MUC13: variants seen among roughly 807,000 people sequenced by gnomAD.
The protein encoded by MUC13 is mucin 13, cell surface associated, also known as mucin-13.
A neutral mutation model predicts 48.3 loss-of-function variants in MUC13; 32 were observed. The observed-to-expected ratio is 0.66, with a 90% CI of 0.50 to 0.89. The LOEUF is 0.89. MUC13 is among the 40% of genes least tolerant of loss of function. MUC13 has a pLI of 0.00. For synonymous variants in MUC13, 199 were observed against 224.9 expected (o/e 0.88, Z 1.03); for missense variants, 571 against 622.8 (o/e 0.92, Z 0.88).
In MUC13 at chr3:124,927,537, C is replaced by T. The variant is rs751469293; in HGVS notation, c.509G>A (p.Ser170Asn). 3 of 1,613,786 alleles carry T rather than the reference C, an allele frequency of 1.9e-6. No homozygotes were observed. In the East Asian group the frequency reaches 6.7e-5, roughly 36 times the overall value. The change falls in exon 2 of 12, where the codon AGC (serine) becomes AAC (asparagine). Residue 170 changes from serine (S) to asparagine (N), a missense_variant. Transcript: ENST00000616727. ...TTTGAGGGAATTGTCCTTACCTGTG[C>T]TGTTTAGGGTGCTGGTCTCCAATAA... is the stretch of plus-strand genomic sequence containing the variant. Reference protein sequence around the residue: ...TALLETSTLNSTGPSNPCQDD... With the variant: ...TALLETSTLNNTGPSNPCQDD...
rs1328762930 is a variant in MUC13 at position 124,906,121 on chromosome 3, A to G, written c.*622T>C. On this transcript the variant is annotated 3_prime_UTR_variant, in exon 12 of 12. Transcript: ENST00000616727. ...GATTCCCAGGCACGCCTCCTGAAAA[A>G]GCTGAGAGATATGTCTCTTTCCAGT... is the stretch of plus-strand genomic sequence containing the variant. 3 of 152,622 alleles carry G rather than the reference A, an allele frequency of 2.0e-5. No individual in the cohort carries two copies. Among genetic ancestry groups the G allele is most frequent in the Non-Finnish European group, 4.4e-5 (3 of 68,040 alleles). 9.5% of individuals were successfully genotyped at this position (152,622 alleles called of 1,614,324 possible).
chr3:124,910,240 A>G (rs1935395358), intron 10 of MUC13, among the ~76,000 whole-genome samples, 175 bp downstream of exon 10: 1 of 152,204 alleles, frequency 6.6e-6, no homozygotes, highest in Non-Finnish European at 1.5e-5. Context: ...TGCCGCAGGA[A>G]AAGGCCACTT....
At chr3:124,913,815 A>G (rs1935466352) in intron 6 of MUC13, 134 bp from the exon 7 acceptor site, 2 of 925,616 alleles carry the variant, frequency 2.2e-6, no homozygotes, top group Middle Eastern at 3.0e-4. Flanking sequence ...AGTGGCTCAC[A>G]ACTGTAATCC....
chr3:124,913,106 C>T lies in MUC13; in HGVS notation c.1214+5G>A. ...GCAAGACAAAAACAAAGTTATTTTT[C>T]TTACTTTTGGCAGTTCCCATTAGCA... On this transcript the variant is annotated splice_donor_5th_base_variant and intron_variant, in intron 8 of 11. Coordinates refer to ENST00000616727, the MANE Select transcript of MUC13 (RefSeq NM_033049.4). 6.2e-7 allele frequency: 1 copy of T among 1,612,940 alleles called. No individual in the cohort carries two copies. Among genetic ancestry groups the T allele is most frequent in the Non-Finnish European group, 8.5e-7 (1 of 1,179,562 alleles).
At chr3:124,913,500 A>G (rs979174726) in intron 7 of MUC13, 62 bp downstream of exon 7, 22 of 1,609,342 alleles carry the variant, frequency 1.4e-5, no homozygotes, top group Non-Finnish European at 1.9e-5. Context: ...TGAATTTTTT[A>G]TGTTGCAAAA....
chr3:124,913,520 G>A (rs1935459945), intron 7 of MUC13, 42 bp downstream of exon 7: 3 of 1,612,348 alleles, frequency 1.9e-6, no homozygotes, highest in Non-Finnish European at 2.5e-6. Flanking sequence ...AGAAGAGAAA[G>A]TGATGTTATG....
Position 124,923,536 on chromosome 3 carries a change from A to G in MUC13, c.628T>C (p.Cys210Arg), listed in dbSNP as rs563855106. Residue 210 changes from cysteine to arginine, a missense_variant, in exon 3 of 12, where the codon TGT (cysteine) becomes CGT (arginine). Physicochemically the swap from Cys to Arg is radical, Grantham distance 180. Transcript: ENST00000616727. ...LEGYYYNSST[C>R]KKGKVFPGKI... The stretch of plus-strand genomic sequence containing the variant: ...ATCCCTTGTAACTCACCTTTCTTAC[A>G]TGTAGAAGAGTTGTAGTAATACCCT... 6.2e-7 allele frequency: 1 copy of G among 1,613,550 alleles called. No homozygotes were observed.
rs759721806 is a variant in MUC13 at position 124,920,319 on chromosome 3, TA to T, written c.745-31del. On this transcript the variant is annotated intron_variant, in intron 4 of 11. Coordinates refer to ENST00000616727, the MANE Select transcript of MUC13 (RefSeq NM_033049.4). ...GGAGGAAAACAGATTTAATAACAAG[TA>T]AAAAAAATTTTTTTTTCACATTTTC... The T allele has an allele frequency of 2.6e-5, 41 of 1,553,718 alleles. No individual in the cohort carries two copies. The South Asian group carries it at 3.3e-4, about 12-fold the overall frequency.
intron 1 of MUC13, 74 bp from the exon 2 acceptor site, chr3:124,928,067 C>A: frequency 2.4e-4 from 222 of 940,522 alleles, no homozygotes; most frequent in Non-Finnish European, 3.1e-4. Context: ...AATACTAAAT[C>A]ATATCCAACT....
chr3:124,934,626 G>A (rs781228143), intron 1 of MUC13, 35 bp downstream of exon 1: 7 of 1,475,622 alleles, frequency 4.7e-6, no homozygotes, highest in Non-Finnish European at 5.7e-6. Context: ...CAACATACAT[G>A]ATTGGAAGAA....
intron 2 of MUC13, among the ~76,000 whole-genome samples, chr3:124,926,991 T>G (rs1333865036): frequency 6.6e-6 from 1 of 152,218 alleles, no homozygotes; most frequent in Non-Finnish European, 1.5e-5. Flanking sequence ...CTTTGGACAA[T>G]GGCCCTGGTT....
chr3:124,911,813 G>A (rs1935424778), intron 9 of MUC13, among the ~76,000 whole-genome samples: 1 of 152,154 alleles, frequency 6.6e-6, no homozygotes, highest in Admixed American at 6.5e-5. Context: ...GCTAATGCAG[G>A]AAATCAACAT....
intron 8 of MUC13, 58 bp downstream of exon 8, chr3:124,913,051 GTC>G: frequency 6.3e-7 from 1 of 1,588,840 alleles, no homozygotes; most frequent in Non-Finnish European, 8.6e-7. Context: ...GTGTTGTAAG[GTC>G]TCTCTACTTT....
intron 1 of MUC13, among the ~76,000 whole-genome samples, chr3:124,929,170 C>CTTTTTTTT (rs1238533365): frequency 3.0e-5 from 4 of 134,400 alleles, no homozygotes; most frequent in African/African-American, 2.8e-5. Context: ...TTCCCCCACT[C>CTTTTTTTT]TTTTATTTTA....
chr3:124,933,389 G>A (rs568120321), intron 1 of MUC13, among the ~76,000 whole-genome samples: 2 of 152,176 alleles, frequency 1.3e-5, no homozygotes, highest in African/African-American at 2.4e-5. Context: ...GCGCTGTAAG[G>A]ACTGATCCAC....
At chr3:124,921,540 G>A (rs1364837538) in intron 4 of MUC13, among the ~76,000 whole-genome samples, 3 of 152,146 alleles carry the variant, frequency 2.0e-5, no homozygotes, top group Non-Finnish European at 4.4e-5. Context: ...TGCTCTGAGG[G>A]TCCTTCCAGA....
At chr3:124,919,939 C>T (rs1171243143) in intron 5 of MUC13, among the ~76,000 whole-genome samples, 1 of 152,134 alleles carries the variant, frequency 6.6e-6, no homozygotes, top group Non-Finnish European at 1.5e-5. Context: ...GCCATGGGAT[C>T]AAGACAAACA....
At chr3:124,913,433 T>A in intron 7 of MUC13, 129 bp downstream of exon 7, 1 of 1,511,648 alleles carries the variant, frequency 6.6e-7, no homozygotes, top group Non-Finnish European at 9.0e-7. Context: ...GGTCCATATG[T>A]CTAAAGTCAG....
intron 5 of MUC13, 64 bp from the exon 6 acceptor site, chr3:124,916,544 C>T: frequency 6.7e-7 from 1 of 1,499,128 alleles, no homozygotes; most frequent in East Asian, 2.4e-5. Flanking sequence ...TAATTCTAAT[C>T]TCCCAGACTC....
Sources: gnomAD v4.1 joint callset for allele counts (sites outside exome capture counted in the v4.1 genomes callset) on GRCh38, gnomAD v4.1.1 for gene constraint, MANE v1.5 for transcripts, NCBI Gene and HGNC (gene_info 2026-07-23, HGNC 2026-07-21) for gene names.